The following PRKN variants were observed in gnomAD, a reference collection of about 807,000 sequenced individuals.
PRKN encodes parkin RBR E3 ubiquitin protein ligase, also known as E3 ubiquitin-protein ligase parkin.
Under a neutral mutation model 59.5 loss-of-function variants are expected in PRKN, and 56 were observed. That is an observed-to-expected ratio of 0.94 (90% CI 0.76 to 1.18). The LOEUF (loss-of-function observed/expected upper bound fraction) is 1.18. PRKN is among the 50% of genes most tolerant of loss of function. The pLI, the probability that PRKN is intolerant of heterozygous loss-of-function variation, is 0.00. For missense variants in PRKN, 657 were observed against 596.4 expected, an observed-to-expected ratio of 1.10 and a Z score of -1.06; for synonymous variants, 250 against 222.1, an observed-to-expected ratio of 1.13 and a Z score of -1.12.
At chr6:162,706,079 G>A (rs796933775) in intron 1 of PRKN, among the ~76,000 whole-genome samples, 5 of 150,910 alleles carry the variant, frequency 3.3e-5, no homozygotes, top group African/African-American at 1.2e-4. Flanking sequence ...TTTCATTGTG[G>A]TGTCCTTGTA....
At chr6:161,985,911 T>G (rs1395557506) in intron 5 of PRKN, among the ~76,000 whole-genome samples, 1 of 152,208 alleles carries the variant, frequency 6.6e-6, no homozygotes, top group East Asian at 1.9e-4. Context: ...TGTCCACTCA[T>G]TTTGCCTTTC....
At chr6:161,876,350 T>C (rs1399421193) in intron 6 of PRKN, among the ~76,000 whole-genome samples, 1 of 152,176 alleles carries the variant, frequency 6.6e-6, no homozygotes, top group Non-Finnish European at 1.5e-5. Context: ...CTTGCTATGT[T>C]GTCCAGACGG....
chr6:162,032,042 A>G (rs181175256), intron 5 of PRKN, among the ~76,000 whole-genome samples: 4 of 152,310 alleles, frequency 2.6e-5, no homozygotes, highest in East Asian at 3.9e-4. Flanking sequence ...TGGATAAAAC[A>G]TAACTGTGTC....
At chr6:162,493,286 T>C (rs1792904200) in intron 1 of PRKN, among the ~76,000 whole-genome samples, 1 of 152,164 alleles carries the variant, frequency 6.6e-6, no homozygotes, top group Non-Finnish European at 1.5e-5. Context: ...CCCTTTATCC[T>C]TCCTGAAGGC....
intron 9 of PRKN, among the ~76,000 whole-genome samples, chr6:161,516,687 C>A (rs564295041): frequency 1.3e-5 from 2 of 150,346 alleles, no homozygotes; most frequent in Non-Finnish European, 3.0e-5. Context: ...ACTAGCCAGG[C>A]ATGGTGTCGC....
chr6:162,073,238 C>T (rs572910715), intron 4 of PRKN, among the ~76,000 whole-genome samples: 1 of 152,260 alleles, frequency 6.6e-6, no homozygotes, highest in South Asian at 2.1e-4. Flanking sequence ...ATAACAACCC[C>T]AAACCTGGGA....
intron 6 of PRKN, among the ~76,000 whole-genome samples, chr6:161,815,605 A>G (rs950391813): frequency 1.3e-5 from 2 of 152,238 alleles, no homozygotes; most frequent in Admixed American, 6.5e-5. Context: ...AGACAGTGAC[A>G]TGAGACAATG....
At chr6:162,192,442 A>AT (rs10534285) in intron 4 of PRKN, among the ~76,000 whole-genome samples, 42,489 of 73,150 alleles carry the variant, frequency 0.58, 16,364 homozygotes, top group Non-Finnish European at 0.7. Context: ...AATTATAGGG[A>AT]TTTTTTTTTT....
In PRKN at chr6:161,357,700, T is replaced by C. The variant is rs1220534643; in HGVS notation, c.1285+2388A>G. Reference sequence around the variant, plus strand: ...AGTCTTTTTCTTCTGATTCTATTTTTTCCCACACACACATTTGTTTCAAAA... The same window carrying C: ...AGTCTTTTTCTTCTGATTCTATTTTCTCCCACACACACATTTGTTTCAAAA... On this transcript the variant is annotated intron_variant, in intron 11 of 11. Coordinates refer to ENST00000366898, the MANE Select transcript of PRKN (RefSeq NM_004562.3). The surrounding 1 kb of genome is among the most constrained non-coding windows in gnomAD (Gnocchi z 5.5). Among the ~76,000 whole-genome samples the C allele has an allele frequency of 1.3e-5, 2 of 152,264 alleles. No homozygotes were observed. Among genetic ancestry groups the C allele is most frequent in the African/African-American group, 2.4e-5 (1 of 41,478 alleles).
At chr6:162,690,508 T>C (rs986476309) in intron 1 of PRKN, among the ~76,000 whole-genome samples, 2 of 152,146 alleles carry the variant, frequency 1.3e-5, no homozygotes, top group African/African-American at 2.4e-5. Flanking sequence ...ATAAAATAAA[T>C]AGAAACTCAC....
At chr6:161,644,950 G>A (rs1562579581) in intron 7 of PRKN, among the ~76,000 whole-genome samples, 2 of 152,096 alleles carry the variant, frequency 1.3e-5, no homozygotes, top group South Asian at 2.1e-4. Context: ...CAGAAGTAGG[G>A]GTAAGACCTA....
intron 4 of PRKN, among the ~76,000 whole-genome samples, chr6:162,139,475 G>A (rs1290030687): frequency 1.3e-5 from 2 of 152,154 alleles, no homozygotes; most frequent in African/African-American, 4.8e-5. Flanking sequence ...TTGAACAGAG[G>A]CTTATGAGGA....
intron 7 of PRKN, among the ~76,000 whole-genome samples, chr6:161,767,076 G>A (rs1789454139): frequency 6.6e-6 from 1 of 152,172 alleles, no homozygotes; most frequent in African/African-American, 2.4e-5. Context: ...TTAAGTTGGG[G>A]TAGAGTCAGG....
chr6:162,008,585 G>T (rs1164174799), intron 5 of PRKN, among the ~76,000 whole-genome samples: 1 of 152,094 alleles, frequency 6.6e-6, no homozygotes, highest in South Asian at 2.1e-4. Flanking sequence ...AACCCCAGGA[G>T]AATCTGGAAA....
intron 1 of PRKN, among the ~76,000 whole-genome samples, chr6:162,448,894 C>CCTCT (rs112625480): frequency 0.073 from 10,390 of 141,366 alleles, 466 homozygotes; most frequent in Middle Eastern, 0.11. Flanking sequence ...TCTCTCCCTT[C>CCTCT]CTCTCTCTCT....
intron 2 of PRKN, among the ~76,000 whole-genome samples, chr6:162,334,657 T>G (rs539650475): frequency 2.0e-5 from 3 of 152,290 alleles, no homozygotes; most frequent in Admixed American, 2.0e-4. Context: ...TAAGGAGCAA[T>G]TTTAACTTGC....
intron 9 of PRKN, among the ~76,000 whole-genome samples, chr6:161,422,197 CTTTT>C (rs527857631): frequency 7.7e-6 from 1 of 130,062 alleles, no homozygotes; most frequent in Non-Finnish European, 1.6e-5. Context: ...CAAATAAAAT[CTTTT>C]TTTTTTTTTT....
At chr6:162,178,643 C>T (rs1783646199) in intron 4 of PRKN, among the ~76,000 whole-genome samples, 1 of 152,158 alleles carries the variant, frequency 6.6e-6, no homozygotes, top group South Asian at 2.1e-4. Context: ...TGCAGGTGGA[C>T]ATGTTTGTGT....
intron 1 of PRKN, among the ~76,000 whole-genome samples, chr6:162,490,027 C>T (rs1792731472): frequency 6.6e-6 from 1 of 152,092 alleles, no homozygotes; most frequent in Admixed American, 6.6e-5. Flanking sequence ...AAATATTGTC[C>T]CATTGTAGAG....
Sources: gnomAD v4.1 joint callset for allele counts (sites outside exome capture counted in the v4.1 genomes callset) on GRCh38, gnomAD v4.1.1 for gene constraint, Gnocchi (gnomAD v3.1) non-coding constraint, MANE v1.5 for transcripts, NCBI Gene and HGNC (gene_info 2026-07-23, HGNC 2026-07-21) for gene names.